The following EPHA3 variants were observed in gnomAD, a reference collection of about 807,000 sequenced individuals.
EPHA3 encodes ephrin type-A receptor 3.
EPHA3 carries 42 observed loss-of-function variants against 107.1 expected under a neutral mutation model. The observed-to-expected ratio is 0.39, with a 90% CI of 0.31 to 0.51. The LOEUF (loss-of-function observed/expected upper bound fraction) is 0.51. Among genes scored for constraint, EPHA3 ranks in the 20% least tolerant of loss-of-function variants. The pLI is 0.78. For synonymous variants in EPHA3, 461 were observed against 424.8 expected (o/e 1.09, Z -1.05); for missense variants, 1,183 against 1,211.2 (o/e 0.98, Z 0.35).
chr3:89,340,598 T>A (rs1329825822), intron 3 of EPHA3, among the ~76,000 whole-genome samples: 1 of 152,228 alleles, frequency 6.6e-6, no homozygotes, highest in African/African-American at 2.4e-5. Context: ...CATGGTGACA[T>A]GGTTTTGCTT....
At chr3:89,383,686 T>C (rs1389032711) in intron 5 of EPHA3, among the ~76,000 whole-genome samples, 1 of 145,932 alleles carries the variant, frequency 6.9e-6, no homozygotes, top group Non-Finnish European at 1.5e-5. Context: ...TCTCACTCTG[T>C]AGCCCAGGCT....
In EPHA3 at chr3:89,342,858, T is replaced by C. The variant is rs868843213; in HGVS notation, c.1306+768T>C. 2.2e-3 allele frequency among the ~76,000 whole-genome samples: 310 copies of C among 139,276 alleles called. 1 individual carries two copies. Among genetic ancestry groups the C allele is most frequent in the Middle Eastern group, 0.011 (3 of 264 alleles). 91.4% of individuals were successfully genotyped at this position (139,276 alleles called of 152,430 possible). A position where few individuals can be genotyped will look rare whatever the true frequency, so the allele number is the denominator to read the frequency against. On this transcript the variant is annotated intron_variant, in intron 5 of 16. Transcript: ENST00000336596. ...GATATTATTGTCTTATTTTTACACA[T>C]ACACACACACACACACACACACACA...
At chr3:89,383,891 G>A (rs1395094744) in intron 5 of EPHA3, among the ~76,000 whole-genome samples, 5 of 151,768 alleles carry the variant, frequency 3.3e-5, no homozygotes, top group African/African-American at 1.2e-4. Flanking sequence ...CTCGAGATCT[G>A]CCCACCTCGG....
At chr3:89,374,198 C>G (rs913402085) in intron 5 of EPHA3, among the ~76,000 whole-genome samples, 1 of 151,760 alleles carries the variant, frequency 6.6e-6, no homozygotes, top group African/African-American at 2.4e-5. Flanking sequence ...ATACCACATA[C>G]AAAAGAGAAC....
chr3:89,190,894 A>C (rs926763447), intron 2 of EPHA3, among the ~76,000 whole-genome samples: 1 of 152,146 alleles, frequency 6.6e-6, no homozygotes, highest in Non-Finnish European at 1.5e-5. Context: ...GCTCACAATA[A>C]TAACTTCATT....
chr3:89,458,443 C>G (rs1710144945), intron 15 of EPHA3, among the ~76,000 whole-genome samples: 1 of 151,866 alleles, frequency 6.6e-6, no homozygotes, highest in South Asian at 2.1e-4. Context: ...ACGGTATTAA[C>G]AAAAGCTGAA....
intron 9 of EPHA3, 59 bp downstream of exon 9, chr3:89,408,190 G>T: frequency 1.3e-6 from 2 of 1,537,104 alleles, no homozygotes; most frequent in South Asian, 1.1e-5. Context: ...AGCAGTTATT[G>T]ATTTACAATT....
intron 3 of EPHA3, among the ~76,000 whole-genome samples, chr3:89,267,094 G>T (rs140165888): frequency 2.0e-5 from 3 of 152,188 alleles, no homozygotes; most frequent in Admixed American, 1.3e-4. Context: ...CAAACTGAAT[G>T]AATAGAAATC....
At chr3:89,224,549 A>T (rs1220113442) in intron 3 of EPHA3, among the ~76,000 whole-genome samples, 1 of 152,168 alleles carries the variant, frequency 6.6e-6, no homozygotes, top group African/African-American at 2.4e-5. Context: ...AGATACTCTT[A>T]TAAAGCATAC....
In EPHA3 at chr3:89,357,871, A is replaced by G. The variant is rs911959905; in HGVS notation, c.1306+15781A>G. Among the ~76,000 whole-genome samples, 4 of 151,224 alleles carry G rather than the reference A, an allele frequency of 2.6e-5. 1 individual carries two copies. The highest frequency in any genetic ancestry group is 9.7e-5 in the African/African-American group (4 of 41,390). Reference sequence around the variant, plus strand: ...ATCTGAAAAGTTTGAAAAAAATCCCATCCATCTTCCCTGAGGTATGTTTCC... The same window carrying G: ...ATCTGAAAAGTTTGAAAAAAATCCCGTCCATCTTCCCTGAGGTATGTTTCC... On this transcript the variant is annotated intron_variant, in intron 5 of 16. Coordinates refer to ENST00000336596, the MANE Select transcript of EPHA3 (RefSeq NM_005233.6).
At chr3:89,409,828 A>G (rs1264954279) in intron 9 of EPHA3, among the ~76,000 whole-genome samples, 1 of 152,042 alleles carries the variant, frequency 6.6e-6, no homozygotes, top group Non-Finnish European at 1.5e-5. Flanking sequence ...TTCACCTCCT[A>G]AGATCCTGTC....
chr3:89,196,287 A>T (rs1288158922), intron 2 of EPHA3, among the ~76,000 whole-genome samples: 3 of 152,102 alleles, frequency 2.0e-5, no homozygotes, highest in Non-Finnish European at 4.4e-5. Context: ...CTCAACATAC[A>T]CAACTGTGTC....
intron 5 of EPHA3, among the ~76,000 whole-genome samples, chr3:89,354,297 G>C (rs934724407): frequency 2.0e-5 from 3 of 151,110 alleles, no homozygotes; most frequent in African/African-American, 7.3e-5. Flanking sequence ...TAGAAAGAAA[G>C]AAAATGTTCT....
intron 2 of EPHA3, among the ~76,000 whole-genome samples, chr3:89,180,091 CTATT>C (rs1386410218): frequency 5.9e-5 from 9 of 151,662 alleles, no homozygotes; most frequent in Non-Finnish European, 1.2e-4. Flanking sequence ...AAAACCTGTT[CTATT>C]TGTTTCCGTG....
intron 15 of EPHA3, among the ~76,000 whole-genome samples, chr3:89,469,898 A>G (rs1267434719): frequency 6.6e-6 from 1 of 152,142 alleles, no homozygotes; most frequent in Admixed American, 6.6e-5. Context: ...GAATTTAAAC[A>G]CTTCAAATGA....
chr3:89,395,890 T>C lies in EPHA3; in HGVS notation c.1360T>C (p.Ser454Pro). The change falls in exon 6 of 17, where the codon TCT becomes CCT. Residue 454 changes from serine to proline, a missense_variant. Physicochemically the swap from Ser to Pro is moderately conservative, Grantham distance 74. Coordinates refer to ENST00000336596, the MANE Select transcript of EPHA3 (RefSeq NM_005233.6). ...AGATCGGACCTCCAGAAATAGCATC[T>C]CTTTGTCCTGGCAAGAACCTGAACA... ...KKDRTSRNSI[S>P]LSWQEPEHPN... 1 of 1,614,110 alleles carries C rather than the reference T, an allele frequency of 6.2e-7. No individual in the cohort carries two copies. The highest frequency in any genetic ancestry group is 8.5e-7 in the Non-Finnish European group (1 of 1,179,970).
At chr3:89,239,994 T>C (rs1345083068) in intron 3 of EPHA3, among the ~76,000 whole-genome samples, 2 of 152,200 alleles carry the variant, frequency 1.3e-5, no homozygotes, top group Non-Finnish European at 2.9e-5. Flanking sequence ...TCTGATCCTC[T>C]GGAATAGCCA....
chr3:89,396,697 C>A (rs1708857669), intron 6 of EPHA3, among the ~76,000 whole-genome samples: 1 of 152,090 alleles, frequency 6.6e-6, no homozygotes, highest in Non-Finnish European at 1.5e-5. Context: ...AGAATCACAG[C>A]TAGTTAGTTT....
chr3:89,118,348 C>A (rs1399086068), intron 1 of EPHA3, among the ~76,000 whole-genome samples: 1 of 151,760 alleles, frequency 6.6e-6, no homozygotes, highest in African/African-American at 2.4e-5. Context: ...TTGTACATTG[C>A]ATAAAGAAAA....
Sources: allele counts gnomAD v4.1 joint callset (sites outside exome capture counted in the v4.1 genomes callset), GRCh38; gene constraint gnomAD v4.1.1; transcripts MANE v1.5; gene names NCBI Gene and HGNC (gene_info 2026-07-23, HGNC 2026-07-21).